COG5: variants seen among roughly 807,000 people sequenced by gnomAD.
COG5 encodes component of oligomeric golgi complex 5.
In COG5, 86 loss-of-function variants were observed where a neutral mutation model predicts 110.4. The observed-to-expected ratio is 0.78, with a 90% CI of 0.65 to 0.93. COG5 has a LOEUF of 0.93. Ranked by LOEUF, COG5 falls within the 40% of genes least tolerant of loss-of-function variation. COG5 has a pLI of 0.00. For missense variants in COG5, 1,077 were observed against 987.0 expected (o/e 1.09, Z -1.22); for synonymous variants, 360 against 334.6 (o/e 1.08, Z -0.83).
intron 11 of COG5, among the ~76,000 whole-genome samples, chr7:107,305,446 ATGTTT>A (rs965846137): frequency 2.6e-5 from 4 of 152,184 alleles, no homozygotes; most frequent in African/African-American, 9.7e-5. Flanking sequence ...GATGTCTTGA[ATGTTT>A]TGTTTCATAA....
chr7:107,362,281 G>C (rs369454560), intron 9 of COG5, 27 bp downstream of exon 9: 3 of 1,556,444 alleles, frequency 1.9e-6, no homozygotes, highest in Non-Finnish European at 1.8e-6. Context: ...CCATATTAAT[G>C]TTTTTTCCAC....
intron 6 of COG5, among the ~76,000 whole-genome samples, chr7:107,526,888 G>C (rs866354883): frequency 7.9e-5 from 12 of 152,126 alleles, no homozygotes; most frequent in South Asian, 2.1e-4. Flanking sequence ...AGCAGAAGCG[G>C]GTAGGCATCA....
At chr7:107,416,511 C>T (rs369367967) in intron 6 of COG5, among the ~76,000 whole-genome samples, 11 of 152,058 alleles carry the variant, frequency 7.2e-5, no homozygotes, top group African/African-American at 1.4e-4. Context: ...ATAGCAGATA[C>T]GTTATTCTAA....
At chr7:107,299,869 C>T (rs1312937909) in intron 11 of COG5, among the ~76,000 whole-genome samples, 2 of 96,126 alleles carry the variant, frequency 2.1e-5, no homozygotes, top group African/African-American at 3.2e-5. Context: ...CTGGAATTAT[C>T]TGGAATATAT....
At chr7:107,520,378 T>C (rs908791865) in intron 6 of COG5, among the ~76,000 whole-genome samples, 1 of 152,204 alleles carries the variant, frequency 6.6e-6, no homozygotes, top group Non-Finnish European at 1.5e-5. Context: ...ATGACATAAC[T>C]GTATATTTAG....
intron 6 of COG5, among the ~76,000 whole-genome samples, chr7:107,442,287 A>G (rs748598300): frequency 3.3e-5 from 5 of 152,192 alleles, no homozygotes; most frequent in East Asian, 3.9e-4. Flanking sequence ...CACCATGATT[A>G]TAAGTCTCCT....
At chr7:107,467,874 G>A (rs912127908) in intron 6 of COG5, among the ~76,000 whole-genome samples, 2 of 152,130 alleles carry the variant, frequency 1.3e-5, no homozygotes, top group Admixed American at 1.3e-4. Context: ...TTGGAGACAA[G>A]TTACTCATAC....
intron 6 of COG5, among the ~76,000 whole-genome samples, chr7:107,418,551 A>T (rs962610394): frequency 7.3e-6 from 1 of 137,326 alleles, no homozygotes; most frequent in Non-Finnish European, 1.6e-5. Flanking sequence ...CCAGTTTTTT[A>T]AAAATTGCTT....
intron 10 of COG5, among the ~76,000 whole-genome samples, chr7:107,328,793 T>A (rs969173754): frequency 6.0e-4 from 92 of 152,134 alleles, no homozygotes; most frequent in African/African-American, 2.1e-3. Context: ...AGAAAACAAT[T>A]TATTTTATTT....
intron 11 of COG5, among the ~76,000 whole-genome samples, chr7:107,316,560 T>C (rs1808761670): frequency 6.8e-6 from 1 of 147,304 alleles, no homozygotes; most frequent in Non-Finnish European, 1.5e-5. Context: ...TCGCCTGTAA[T>C]CCCGGCACTT....
At chr7:107,375,065 C>G (rs1814513880) in intron 7 of COG5, among the ~76,000 whole-genome samples, 1 of 152,018 alleles carries the variant, frequency 6.6e-6, no homozygotes, top group South Asian at 2.1e-4. Flanking sequence ...ACTATCATTA[C>G]TTCTAACACC....
intron 10 of COG5, among the ~76,000 whole-genome samples, chr7:107,348,694 G>T (rs1054428578): frequency 1.4e-4 from 22 of 152,188 alleles, no homozygotes; most frequent in African/African-American, 3.9e-4. Context: ...GTTACCACTT[G>T]TTAACACGAG....
At chr7:107,397,602 T>C (rs746151729) in intron 7 of COG5, among the ~76,000 whole-genome samples, 1 of 152,030 alleles carries the variant, frequency 6.6e-6, no homozygotes, top group Non-Finnish European at 1.5e-5. Flanking sequence ...TGGTGACTAC[T>C]GTATCAACTC....
chr7:107,285,608 C>T (rs1316134943), intron 12 of COG5, among the ~76,000 whole-genome samples: 1 of 152,184 alleles, frequency 6.6e-6, no homozygotes, highest in Non-Finnish European at 1.5e-5. Context: ...GCCCCACCTT[C>T]TATCTCTACT....
At chr7:107,540,324 G>A (rs1408298663) in intron 5 of COG5, among the ~76,000 whole-genome samples, 1 of 151,972 alleles carries the variant, frequency 6.6e-6, no homozygotes, top group Non-Finnish European at 1.5e-5. Flanking sequence ...TGCAATCCCA[G>A]CATTTTGGGA....
At chr7:107,306,897 C>A (rs1308855367) in intron 11 of COG5, among the ~76,000 whole-genome samples, 2 of 152,164 alleles carry the variant, frequency 1.3e-5, no homozygotes, top group East Asian at 3.8e-4. Context: ...TTCTCAATTT[C>A]TGTTCTCTGT....
intron 19 of COG5, among the ~76,000 whole-genome samples, chr7:107,216,762 G>A (rs1265830556): frequency 1.3e-5 from 2 of 152,020 alleles, no homozygotes; most frequent in Non-Finnish European, 2.9e-5. Context: ...GTTCTAAGAA[G>A]GAAATTTATA....
At chr7:107,391,803 C>T (rs1790642710) in intron 7 of COG5, among the ~76,000 whole-genome samples, 1 of 152,044 alleles carries the variant, frequency 6.6e-6, no homozygotes, top group Non-Finnish European at 1.5e-5. Flanking sequence ...ATTAATAAAC[C>T]TTATTGGTCA....
intron 16 of COG5, among the ~76,000 whole-genome samples, chr7:107,249,690 TTG>T (rs57572752): frequency 0.2 from 26,573 of 131,124 alleles, 2,708 homozygotes; most frequent in Admixed American, 0.29. Flanking sequence ...ACGTACAGGA[TTG>T]TGTGTGTGTG....
Sources: allele counts gnomAD v4.1 joint callset (sites outside exome capture counted in the v4.1 genomes callset), GRCh38; gene constraint gnomAD v4.1.1; transcripts MANE v1.5; gene names NCBI Gene and HGNC (gene_info 2026-07-23, HGNC 2026-07-21).